Variants in DOK6 observed in about 807,000 individuals in gnomAD.
DOK6 encodes the protein downstream of tyrosine kinase 6.
A neutral mutation model predicts 44.0 loss-of-function variants in DOK6; 22 were observed. The observed-to-expected ratio is 0.50, with a 90% confidence interval of 0.36 to 0.71. DOK6 has a LOEUF of 0.71. Among genes scored for constraint, DOK6 ranks in the 30% least tolerant of loss-of-function variants. DOK6 has a pLI of 0.00. For synonymous variants in DOK6, 166 were observed against 145.5 expected, an observed-to-expected ratio of 1.14 and a Z score of -1.01; for missense variants, 340 against 416.4, an observed-to-expected ratio of 0.82 and a Z score of 1.60.
chr18:69,839,116 G>C (rs1288634037), intron 7 of DOK6, among the ~76,000 whole-genome samples: 1 of 122,332 alleles, frequency 8.2e-6, no homozygotes, highest in Non-Finnish European at 1.7e-5. Flanking sequence ...CTCCTGTGTC[G>C]CTCCCCTTGT....
At chr18:69,496,112 C>T (rs535932544) in intron 1 of DOK6, among the ~76,000 whole-genome samples, 25 of 152,284 alleles carry the variant, frequency 1.6e-4, no homozygotes, top group African/African-American at 5.3e-4. Context: ...CCAGATCTAC[C>T]GCCGTGACTT....
At chr18:69,557,385 G>A (rs370730439) in intron 1 of DOK6, among the ~76,000 whole-genome samples, 29 of 152,084 alleles carry the variant, frequency 1.9e-4, no homozygotes, top group Non-Finnish European at 4.0e-4. Flanking sequence ...ACGTAATTAC[G>A]GCTATGAACT....
chr18:69,751,009 A>G (rs1416153459), intron 6 of DOK6, among the ~76,000 whole-genome samples: 1 of 152,238 alleles, frequency 6.6e-6, no homozygotes, highest in East Asian at 1.9e-4. Context: ...CCAGACACAA[A>G]AAGACAAATA....
At chr18:69,770,245 C>T (rs928422218) in intron 7 of DOK6, among the ~76,000 whole-genome samples, 3 of 152,126 alleles carry the variant, frequency 2.0e-5, no homozygotes, top group Non-Finnish European at 4.4e-5. Context: ...ATAAGAAAAC[C>T]GTGGCACACA....
At chr18:69,416,916 T>C (rs1232012241) in intron 1 of DOK6, among the ~76,000 whole-genome samples, 1 of 149,644 alleles carries the variant, frequency 6.7e-6, no homozygotes, top group Non-Finnish European at 1.5e-5. Flanking sequence ...GCAATTATGC[T>C]ATTTTTAATT....
At chr18:69,512,768 A>G (rs1033083671) in intron 1 of DOK6, among the ~76,000 whole-genome samples, 1 of 152,192 alleles carries the variant, frequency 6.6e-6, no homozygotes, top group African/African-American at 2.4e-5. Context: ...AAATCAATCA[A>G]TATCTCTGTG....
intron 1 of DOK6, among the ~76,000 whole-genome samples, chr18:69,445,957 C>A (rs1979275792): frequency 6.6e-6 from 1 of 152,104 alleles, no homozygotes; most frequent in South Asian, 2.1e-4. Context: ...CCTCTACTTT[C>A]ATTCCTGATT....
At chr18:69,710,805 T>G (rs1287099759) in intron 5 of DOK6, among the ~76,000 whole-genome samples, 1 of 152,208 alleles carries the variant, frequency 6.6e-6, no homozygotes, top group Non-Finnish European at 1.5e-5. Context: ...TAAAATTGGG[T>G]ATTTTTTGTT....
At chr18:69,489,710 C>A (rs1980681859) in intron 1 of DOK6, among the ~76,000 whole-genome samples, 1 of 152,124 alleles carries the variant, frequency 6.6e-6, no homozygotes, top group South Asian at 2.1e-4. Context: ...CTTTCTAATG[C>A]ATATCGAAAG....
rs569067229 is a variant in DOK6 at position 69,449,592 on chromosome 18, C to T, written c.66+48282C>T. On this transcript the variant is annotated intron_variant, in intron 1 of 7. Transcript: ENST00000382713. ...GGAGGCCTGCCTGCCTCTGTAGGCTCCACCTCTGGGGGCAGGGCACAGACA... is the reference window on the plus strand; with the variant it reads ...GGAGGCCTGCCTGCCTCTGTAGGCTTCACCTCTGGGGGCAGGGCACAGACA... Among the ~76,000 whole-genome samples, 7 of 152,324 alleles carry T rather than the reference C, an allele frequency of 4.6e-5. No homozygotes were observed. In the South Asian group the frequency reaches 1.4e-3, roughly 32 times the overall value.
intron 1 of DOK6, among the ~76,000 whole-genome samples, chr18:69,535,867 A>G (rs1220459127): frequency 1.3e-5 from 2 of 152,128 alleles, no homozygotes; most frequent in Admixed American, 1.3e-4. Context: ...TGGCCAAATT[A>G]TCAGCCAAAT....
At chr18:69,539,342 C>T (rs1022615220) in intron 1 of DOK6, among the ~76,000 whole-genome samples, 6 of 152,062 alleles carry the variant, frequency 3.9e-5, no homozygotes, top group Admixed American at 3.3e-4. Flanking sequence ...GATTCTGCCC[C>T]TGAATTCTGT....
At chr18:69,416,838 A>C (rs1293235609) in intron 1 of DOK6, among the ~76,000 whole-genome samples, 2 of 152,104 alleles carry the variant, frequency 1.3e-5, no homozygotes, top group African/African-American at 4.8e-5. Context: ...TAATCCTGGC[A>C]CTGTTTCAAT....
intron 3 of DOK6, among the ~76,000 whole-genome samples, chr18:69,657,843 T>G (rs1036346829): frequency 3.9e-5 from 6 of 152,208 alleles, no homozygotes; most frequent in Non-Finnish European, 8.8e-5. Flanking sequence ...AACTGGAACC[T>G]TTCTGTTGGT....
At chr18:69,561,230 C>T (rs749134410) in intron 1 of DOK6, among the ~76,000 whole-genome samples, 30 of 152,068 alleles carry the variant, frequency 2.0e-4, no homozygotes, top group Non-Finnish European at 3.4e-4. Context: ...TGTAAGGTTG[C>T]ACAGCTAGTA....
At chr18:69,658,186 A>G (rs190614088) in intron 3 of DOK6, among the ~76,000 whole-genome samples, 1 of 152,020 alleles carries the variant, frequency 6.6e-6, no homozygotes, top group East Asian at 1.9e-4. Flanking sequence ...TCCTGGCCTC[A>G]AGAGATCCTC....
chr18:69,505,392 T>C (rs1981153976), intron 1 of DOK6, among the ~76,000 whole-genome samples: 1 of 152,102 alleles, frequency 6.6e-6, no homozygotes. Flanking sequence ...AGCCTTAAAG[T>C]TTCTAATGCT....
chr18:69,494,078 A>C (rs558077589), intron 1 of DOK6, among the ~76,000 whole-genome samples: 64 of 152,342 alleles, frequency 4.2e-4, no homozygotes, highest in African/African-American at 1.3e-3. Context: ...TTGTCTTCTA[A>C]TATCAACAAA....
chr18:69,775,266 G>A (rs529567900), intron 7 of DOK6, among the ~76,000 whole-genome samples: 13 of 151,934 alleles, frequency 8.6e-5, no homozygotes, highest in Admixed American at 2.6e-4. Context: ...ATGGATGTAC[G>A]TAATGGAAAA....
Sources: gnomAD v4.1 joint callset for allele counts (sites outside exome capture counted in the v4.1 genomes callset) on GRCh38, gnomAD v4.1.1 for gene constraint, MANE v1.5 for transcripts, NCBI Gene and HGNC (gene_info 2026-07-23, HGNC 2026-07-21) for gene names.